The following TIMP2 variants were observed in gnomAD, a reference collection of about 807,000 sequenced individuals.
TIMP2 encodes metalloproteinase inhibitor 2.
Under a neutral mutation model 24.3 loss-of-function variants are expected in TIMP2, and 5 were observed. That is an observed-to-expected ratio of 0.21 (90% CI 0.11 to 0.43). The LOEUF is 0.43. Among genes scored for constraint, TIMP2 ranks in the 20% least tolerant of loss-of-function variants. The pLI is 1.00. For missense variants in TIMP2, 221 were observed against 297.5 expected (o/e 0.74, Z 1.89); for synonymous variants, 130 against 123.2 (o/e 1.06, Z -0.37).
At position 78,855,980 on chromosome 17, in the gene TIMP2, T is replaced by G; in HGVS notation, c.466-116A>C. 9.4e-7 allele frequency: 1 copy of G among 1,066,178 alleles called. No individual in the cohort carries two copies. The highest frequency in any genetic ancestry group is 1.4e-6 in the Non-Finnish European group (1 of 716,028). 66.0% of individuals were successfully genotyped at this position (1,066,178 alleles called of 1,614,324 possible). A position where few individuals can be genotyped will look rare whatever the true frequency, so the allele number is the denominator to read the frequency against. ...TGTGCCTACCTGTCATGTGCAGGGATGGCAGCCTCTCCCGAGACCCACGGT... is the reference window on the plus strand; with the variant it reads ...TGTGCCTACCTGTCATGTGCAGGGAGGGCAGCCTCTCCCGAGACCCACGGT... On this transcript the variant is annotated intron_variant, in intron 4 of 4. Coordinates refer to ENST00000262768, the MANE Select transcript of TIMP2 (RefSeq NM_003255.5). This position sits in a 1 kb window ranked among gnomAD's most constrained non-coding sequence, Gnocchi z 6.0.
chr17:78,897,002 G>A, intron 1 of TIMP2: 1 of 985,330 alleles, frequency 1.0e-6, no homozygotes. Flanking sequence ...GCCTTTCCCT[G>A]GGCGGCCGCT....
At position 78,861,605 on chromosome 17, in the gene TIMP2, C is replaced by CT. The variant is rs953067288; in HGVS notation, c.341-3960dup. Among the ~76,000 whole-genome samples, 1,253 of 142,074 alleles carry CT rather than the reference C, an allele frequency of 8.8e-3. 18 individuals are homozygous for CT. The highest frequency in any genetic ancestry group is 0.022 in the African/African-American group (872 of 38,974). 93.2% of individuals were successfully genotyped at this position (142,074 alleles called of 152,430 possible). On this transcript the variant is annotated intron_variant, in intron 3 of 4. Transcript: ENST00000262768. ...AGATGAAGTGAAAATTGTATTTTTT[C>CT]TTTTTTTTTTTTTTGGAGACGGAGT...
Position 78,891,401 on chromosome 17 carries a change from C to T in TIMP2, c.131-17482G>A. On this transcript the variant is annotated intron_variant, in intron 1 of 4. Coordinates refer to ENST00000262768, the MANE Select transcript of TIMP2 (RefSeq NM_003255.5). This position sits in a 1 kb window ranked among gnomAD's most constrained non-coding sequence, Gnocchi z 4.5. ...CCCTTCCCCAGGTCTCTGGTCCATC[C>T]TGGGCTTCAGTGCCAGGTACAAGCA... 1 of 1,550,766 alleles carries T rather than the reference C, an allele frequency of 6.4e-7. No homozygotes were observed. Among genetic ancestry groups the T allele is most frequent in the Non-Finnish European group, 8.7e-7 (1 of 1,147,050 alleles).
chr17:78,895,366 C>T (rs1200608077), intron 1 of TIMP2, among the ~76,000 whole-genome samples: 1 of 152,158 alleles, frequency 6.6e-6, no homozygotes, highest in Non-Finnish European at 1.5e-5. Context: ...TAATACAGCA[C>T]ATAAAAACAT....
intron 2 of TIMP2, among the ~76,000 whole-genome samples, chr17:78,873,407 TCTCCCAC>T (rs2069702685): frequency 6.6e-6 from 1 of 151,308 alleles, no homozygotes; most frequent in East Asian, 2.0e-4. Flanking sequence ...CTTAAGCGAT[TCTCCCAC>T]CTCAGCCTCC....
chr17:78,901,591 T>C (rs1414767955), intron 1 of TIMP2, among the ~76,000 whole-genome samples: 1 of 151,978 alleles, frequency 6.6e-6, no homozygotes, highest in African/African-American at 2.4e-5. Flanking sequence ...TTGCAAAGGA[T>C]AGAAAAGTCT....
intron 1 of TIMP2, among the ~76,000 whole-genome samples, chr17:78,886,706 A>AG (rs1383071681): frequency 6.6e-6 from 1 of 152,188 alleles, no homozygotes; most frequent in Admixed American, 6.5e-5. Context: ...GAAAGAAACC[A>AG]GGCTAAGATC....
At chr17:78,875,972 G>C (rs1391835672) in intron 1 of TIMP2, among the ~76,000 whole-genome samples, 1 of 152,246 alleles carries the variant, frequency 6.6e-6, no homozygotes, top group East Asian at 1.9e-4. Context: ...ACTGGCCAAG[G>C]CCACAGGTTC....
Position 78,896,689 on chromosome 17 carries a change from G to A in TIMP2, c.131-22770C>T, listed in dbSNP as rs1233180330. 1.3e-5 allele frequency among the ~76,000 whole-genome samples: 2 copies of A among 152,106 alleles called. No individual in the cohort carries two copies. The highest frequency in any genetic ancestry group is 2.9e-5 in the Non-Finnish European group (2 of 68,022). ...CCTTCAACCACTCAGAGAAACCACAGCTCCCCCCTCCGCAGAAGCCGCGCT... is the reference window on the plus strand; with the variant it reads ...CCTTCAACCACTCAGAGAAACCACAACTCCCCCCTCCGCAGAAGCCGCGCT... On this transcript the variant is annotated intron_variant, in intron 1 of 4. Transcript: ENST00000262768. This position sits in a 1 kb window ranked among gnomAD's most constrained non-coding sequence, Gnocchi z 4.4.
rs573853857 is a variant in TIMP2, at chr17:78,896,716, G to C, written c.131-22797C>G. 3.9e-5 allele frequency among the ~76,000 whole-genome samples: 6 copies of C among 152,096 alleles called. No individual in the cohort carries two copies. The highest frequency in any genetic ancestry group is 8.8e-5 in the Non-Finnish European group (6 of 68,016). On this transcript the variant is annotated intron_variant, in intron 1 of 4. Coordinates refer to ENST00000262768, the MANE Select transcript of TIMP2 (RefSeq NM_003255.5). This position sits in a 1 kb window ranked among gnomAD's most constrained non-coding sequence, Gnocchi z 4.4. ...TCCCCCCTCCGCAGAAGCCGCGCTCGGAGCAGCAGAAGGAAGGCGAGTGGA... is the reference window on the plus strand; with the variant it reads ...TCCCCCCTCCGCAGAAGCCGCGCTCCGAGCAGCAGAAGGAAGGCGAGTGGA...
At chr17:78,921,122 T>C (rs773835398) in intron 1 of TIMP2, among the ~76,000 whole-genome samples, 1 of 152,238 alleles carries the variant, frequency 6.6e-6, no homozygotes, top group Non-Finnish European at 1.5e-5. Context: ...TTGCTTTTCC[T>C]GAGCACGTGT....
At chr17:78,890,480 A>G in intron 1 of TIMP2, 1 of 828,770 alleles carries the variant, frequency 1.2e-6, no homozygotes, top group Non-Finnish European at 1.8e-6. Context: ...TGCTGGGATT[A>G]CAGGCGTGCG....
At chr17:78,860,762 A>T (rs1397211440) in intron 3 of TIMP2, among the ~76,000 whole-genome samples, 1 of 152,206 alleles carries the variant, frequency 6.6e-6, no homozygotes, top group Non-Finnish European at 1.5e-5. Context: ...CTAGCTGGGC[A>T]TGGTGGCTCA....
chr17:78,919,214 C>T (rs1203021541), intron 1 of TIMP2, among the ~76,000 whole-genome samples: 5 of 152,234 alleles, frequency 3.3e-5, no homozygotes, highest in Admixed American at 3.3e-4. Flanking sequence ...CTGGGCAACG[C>T]CCGCTGTCAT....
At position 78,894,759 on chromosome 17, in the gene TIMP2, C is replaced by T. The variant is rs563957620; in HGVS notation, c.131-20840G>A. ...TCAGGCAAAGATTTCTTAGATACAACACCAAAAGCACAACCAATAAACAAA... is the reference window on the plus strand; with the variant it reads ...TCAGGCAAAGATTTCTTAGATACAATACCAAAAGCACAACCAATAAACAAA... On this transcript the variant is annotated intron_variant, in intron 1 of 4. Coordinates refer to ENST00000262768, the MANE Select transcript of TIMP2 (RefSeq NM_003255.5). Among the ~76,000 whole-genome samples, 5 of 151,774 alleles carry T rather than the reference C, an allele frequency of 3.3e-5. No homozygotes were observed. The South Asian group carries it at 6.2e-4, about 19-fold the overall frequency.
At chr17:78,897,154 G>T in intron 1 of TIMP2, 1 of 231,774 alleles carries the variant, frequency 4.3e-6, no homozygotes, top group Non-Finnish European at 7.1e-6. Flanking sequence ...GGCCTGCTGT[G>T]CACTCCTGTG....
At chr17:78,867,731 G>A (rs1326122401) in intron 3 of TIMP2, among the ~76,000 whole-genome samples, 1 of 151,682 alleles carries the variant, frequency 6.6e-6, no homozygotes, top group African/African-American at 2.4e-5. Context: ...GAGTAGCTGG[G>A]ACTACAGGCG....
At chr17:78,866,700 C>G (rs1169995192) in intron 3 of TIMP2, among the ~76,000 whole-genome samples, 1 of 152,130 alleles carries the variant, frequency 6.6e-6, no homozygotes. Flanking sequence ...CAGTGGAATA[C>G]TCAGTCATAG....
chr17:78,877,618 T>C (rs1262937350), intron 1 of TIMP2, among the ~76,000 whole-genome samples: 3 of 151,882 alleles, frequency 2.0e-5, no homozygotes, highest in Admixed American at 6.6e-5. Context: ...ACAGTTCCAG[T>C]AGGAGCAGCA....
Sources: gnomAD v4.1 joint callset for allele counts (sites outside exome capture counted in the v4.1 genomes callset) on GRCh38, gnomAD v4.1.1 for gene constraint, Gnocchi (gnomAD v3.1) non-coding constraint, MANE v1.5 for transcripts, NCBI Gene and HGNC (gene_info 2026-07-23, HGNC 2026-07-21) for gene names.